Variants in FGF14 observed in about 807,000 individuals in gnomAD.
FGF14 encodes fibroblast growth factor 14, also known as fibroblast growth factor homologous factor 4.
FGF14 carries 5 observed loss-of-function variants against 25.5 expected under a neutral mutation model. The observed-to-expected ratio is 0.20, with a 90% CI of 0.10 to 0.41. FGF14 has a LOEUF of 0.41. FGF14 is among the 10% of genes least tolerant of loss of function. The pLI is 1.00. For synonymous variants in FGF14, 138 were observed against 118.3 expected (o/e 1.17, Z -1.08); for missense variants, 222 against 320.1 (o/e 0.69, Z 2.34).
intron 1 of FGF14, among the ~76,000 whole-genome samples, chr13:102,061,447 CCT>C (rs1264209393): frequency 6.6e-6 from 1 of 152,160 alleles, no homozygotes; most frequent in Non-Finnish European, 1.5e-5. Flanking sequence ...CATGGCACGC[CCT>C]GAGAGGGGAA....
At chr13:102,371,300 C>T (rs2057875843) in intron 1 of FGF14, among the ~76,000 whole-genome samples, 1 of 152,302 alleles carries the variant, frequency 6.6e-6, no homozygotes, top group Non-Finnish European at 1.5e-5. Context: ...TGCCCCTCCC[C>T]ATGCCATCTT....
intron 1 of FGF14, among the ~76,000 whole-genome samples, chr13:102,079,840 A>G (rs2043534163): frequency 6.6e-6 from 1 of 152,316 alleles, no homozygotes; most frequent in South Asian, 2.1e-4. Context: ...AAAAAGCCTC[A>G]TTATGAAGAC....
chr13:102,299,624 C>T (rs551522222), intron 1 of FGF14, among the ~76,000 whole-genome samples: 33 of 152,102 alleles, frequency 2.2e-4, no homozygotes, highest in Admixed American at 2.0e-3. Flanking sequence ...GGCTGGACAG[C>T]GGGAGGTGGA....
intron 1 of FGF14, among the ~76,000 whole-genome samples, chr13:102,156,002 T>C (rs2047317047): frequency 6.6e-6 from 1 of 152,154 alleles, no homozygotes; most frequent in Non-Finnish European, 1.5e-5. Flanking sequence ...GGCTCTGAAA[T>C]TGAGGTAATA....
intron 1 of FGF14, among the ~76,000 whole-genome samples, chr13:102,386,439 A>T (rs11843044): frequency 0.083 from 12,554 of 152,134 alleles, 1,667 homozygotes; most frequent in African/African-American, 0.28. Flanking sequence ...GCCCCTACAA[A>T]AATATTTAAA....
At chr13:101,852,216 CAT>C (rs913058876) in intron 3 of FGF14, among the ~76,000 whole-genome samples, 5 of 152,052 alleles carry the variant, frequency 3.3e-5, no homozygotes, top group African/African-American at 9.7e-5. Context: ...CACCGAAACA[CAT>C]GAGTGTTCAA....
chr13:102,119,089 A>C (rs1478755266), intron 1 of FGF14, among the ~76,000 whole-genome samples: 1 of 152,206 alleles, frequency 6.6e-6, no homozygotes, highest in African/African-American at 2.4e-5. Flanking sequence ...CAACTTGAGT[A>C]TCAATAATAG....
chr13:101,756,669 G>A (rs1324587162), intron 3 of FGF14, among the ~76,000 whole-genome samples: 1 of 152,152 alleles, frequency 6.6e-6, no homozygotes, highest in Non-Finnish European at 1.5e-5. Context: ...GGAGGCGGAG[G>A]TTGCCATGAG....
chr13:102,210,354 G>A (rs1336699), intron 1 of FGF14, among the ~76,000 whole-genome samples: 117,033 of 151,994 alleles, frequency 0.77, 45,153 homozygotes, highest in East Asian at 0.84. Flanking sequence ...AATAGCAGTA[G>A]TGAACAAATC....
chr13:102,083,360 ATTTC>A (rs1271844949), intron 1 of FGF14, among the ~76,000 whole-genome samples: 2 of 151,746 alleles, frequency 1.3e-5, no homozygotes, highest in Admixed American at 6.6e-5. Context: ...TCTTGCCCAG[ATTTC>A]TTTCTAAGAG....
intron 1 of FGF14, 45 bp downstream of exon 1, chr13:101,916,408 A>C (rs762474296): frequency 1.2e-6 from 2 of 1,605,902 alleles, no homozygotes; most frequent in Non-Finnish European, 1.7e-6. Context: ...TTAGGCGGGG[A>C]GGGGGCGACC....
In FGF14 at chr13:102,132,230, G is replaced by C. The variant is rs115692010; in HGVS notation, c.209-256934C>G. 5.8e-4 allele frequency among the ~76,000 whole-genome samples: 88 copies of C among 152,058 alleles called. 1 individual carries two copies. The South Asian group carries it at 7.5e-3, about 13-fold the overall frequency. Reference sequence around the variant, plus strand: ...GGAAACACACTGCAGAATAGTGTGCGGCAGAGAGAGACAACACGGGGAGAT... The same window carrying C: ...GGAAACACACTGCAGAATAGTGTGCCGCAGAGAGAGACAACACGGGGAGAT... On this transcript the variant is annotated intron_variant, in intron 1 of 4. Transcript: ENST00000376131.
chr13:101,832,011 A>T (rs1032354131), intron 3 of FGF14, among the ~76,000 whole-genome samples: 2 of 152,100 alleles, frequency 1.3e-5, no homozygotes, highest in Non-Finnish European at 2.9e-5. Context: ...TATTAGAAAA[A>T]AAAGTTTTGC....
intron 1 of FGF14, among the ~76,000 whole-genome samples, chr13:102,015,721 TG>T (rs1209257107): frequency 6.6e-6 from 1 of 152,146 alleles, no homozygotes; most frequent in Non-Finnish European, 1.5e-5. Flanking sequence ...TGTCTCCTTC[TG>T]TGCTATTTTT....
intron 1 of FGF14, among the ~76,000 whole-genome samples, chr13:101,876,187 T>C (rs79854747): frequency 0.05 from 7,541 of 152,240 alleles, 527 homozygotes; most frequent in African/African-American, 0.15. Context: ...AGTAATCCAG[T>C]GCTTCACAAA....
chr13:102,335,816 A>G (rs1316640388), intron 1 of FGF14, among the ~76,000 whole-genome samples: 5 of 152,166 alleles, frequency 3.3e-5, no homozygotes, highest in Admixed American at 6.6e-5. Flanking sequence ...AATTCTTGCA[A>G]TATTTCAAAC....
chr13:102,082,117 T>A, intron 1 of FGF14, among the ~76,000 whole-genome samples: 1 of 151,942 alleles, frequency 6.6e-6, no homozygotes, highest in East Asian at 1.9e-4. Context: ...CATGATGCAA[T>A]TTCAAAATGG....
At chr13:101,806,385 C>T (rs906005401) in intron 3 of FGF14, among the ~76,000 whole-genome samples, 2 of 147,558 alleles carry the variant, frequency 1.4e-5, no homozygotes, top group African/African-American at 2.5e-5. Context: ...TGTCACTCCA[C>T]ACCAGCCTGG....
At chr13:102,072,343 C>A (rs759642445) in intron 1 of FGF14, among the ~76,000 whole-genome samples, 1 of 151,916 alleles carries the variant, frequency 6.6e-6, no homozygotes, top group African/African-American at 2.4e-5. Context: ...AAAATTGATT[C>A]GTAAACAATA....
Sources: gnomAD v4.1 joint callset for allele counts (sites outside exome capture counted in the v4.1 genomes callset) on GRCh38, gnomAD v4.1.1 for gene constraint, MANE v1.5 for transcripts, NCBI Gene and HGNC (gene_info 2026-07-23, HGNC 2026-07-21) for gene names.